HRH1: variants seen among roughly 807,000 people sequenced by gnomAD.
HRH1 encodes the protein histamine H1 receptor.
In HRH1, 6 loss-of-function variants were observed where a neutral mutation model predicts 10.3. That is an observed-to-expected ratio of 0.58 (90% CI 0.32 to 1.15). The LOEUF (loss-of-function observed/expected upper bound fraction) is 1.15. Among genes scored for constraint, HRH1 ranks in the 50% most tolerant of loss-of-function variants. The pLI is 0.05. For synonymous variants in HRH1, 242 were observed against 236.7 expected (o/e 1.02, Z -0.21); for missense variants, 514 against 615.3 (o/e 0.84, Z 1.74).
In HRH1 at chr3:11,219,688, G is replaced by A. The variant is rs114882765; in HGVS notation, c.-35-39315G>A. Among the ~76,000 whole-genome samples the A allele has an allele frequency of 8.5e-3, 1,195 of 141,168 alleles. 13 individuals are homozygous for A. Among genetic ancestry groups the A allele is most frequent in the African/African-American group, 0.032 (1,137 of 35,932 alleles). The allele number at this position is 141,168 out of a possible 152,430, so 92.6% of individuals were successfully genotyped here. A position where few individuals can be genotyped will look rare whatever the true frequency, so the allele number is the denominator to read the frequency against. On this transcript the variant is annotated intron_variant, in intron 1 of 1. Transcript: ENST00000431010. ...AGTTTATGCCACTGCACTCCAGCTC[G>A]GGCAATAAGAGTTGAGACTTCATCT...
intron 1 of HRH1, among the ~76,000 whole-genome samples, chr3:11,253,863 A>G (rs1443668736): frequency 6.6e-6 from 1 of 152,078 alleles, no homozygotes; most frequent in Non-Finnish European, 1.5e-5. Context: ...GGGTCCTAAA[A>G]CTGATCGATC....
At chr3:11,180,460 T>A (rs1183089313) in intron 1 of HRH1, among the ~76,000 whole-genome samples, 1 of 152,170 alleles carries the variant, frequency 6.6e-6, no homozygotes, top group Non-Finnish European at 1.5e-5. Context: ...CCTATGGGAA[T>A]CTAATGCCAC....
At chr3:11,192,894 C>T (rs935731630) in intron 1 of HRH1, among the ~76,000 whole-genome samples, 1 of 152,094 alleles carries the variant, frequency 6.6e-6, no homozygotes, top group Non-Finnish European at 1.5e-5. Context: ...GTTCATCTCT[C>T]CCAGGGCTAT....
chr3:11,234,958 G>A (rs1041225608), intron 1 of HRH1, among the ~76,000 whole-genome samples: 9 of 152,132 alleles, frequency 5.9e-5, no homozygotes, highest in Non-Finnish European at 1.3e-4. Context: ...GCTCACGCCT[G>A]TAATCCCAGC....
intron 1 of HRH1, among the ~76,000 whole-genome samples, chr3:11,202,835 G>A (rs35282657): frequency 0.25 from 37,775 of 152,014 alleles, 4,892 homozygotes; most frequent in South Asian, 0.39. Flanking sequence ...TTGGACAAAT[G>A]GATAATATGT....
At chr3:11,186,944 A>G (rs529951406) in intron 1 of HRH1, among the ~76,000 whole-genome samples, 27 of 152,324 alleles carry the variant, frequency 1.8e-4, no homozygotes, top group Admixed American at 1.6e-3. Flanking sequence ...CCTGGAAAAT[A>G]TTAAGTTGGA....
intron 1 of HRH1, among the ~76,000 whole-genome samples, chr3:11,230,082 A>G (rs1184166919): frequency 6.6e-6 from 1 of 152,136 alleles, no homozygotes; most frequent in Non-Finnish European, 1.5e-5. Context: ...CAAAGGATGA[A>G]CAAAAGGAGT....
chr3:11,250,259 C>T (rs1246729353), intron 1 of HRH1, among the ~76,000 whole-genome samples: 11 of 142,236 alleles, frequency 7.7e-5, no homozygotes, highest in Non-Finnish European at 1.5e-4. Flanking sequence ...CGGGGTTTCA[C>T]CATATTAGCC....
At chr3:11,167,465 C>T (rs1170586357) in intron 1 of HRH1, among the ~76,000 whole-genome samples, 4 of 128,482 alleles carry the variant, frequency 3.1e-5, no homozygotes, top group African/African-American at 1.2e-4. Context: ...TCTCCAGGCC[C>T]GTGACATCTG....
At chr3:11,175,566 A>G (rs564863407) in intron 1 of HRH1, among the ~76,000 whole-genome samples, 11 of 152,344 alleles carry the variant, frequency 7.2e-5, no homozygotes, top group Admixed American at 2.6e-4. Context: ...CAGTAGTAAT[A>G]ATACTAATAT....
intron 1 of HRH1, among the ~76,000 whole-genome samples, chr3:11,177,196 A>G (rs1441779335): frequency 6.6e-6 from 1 of 152,038 alleles, no homozygotes; most frequent in Admixed American, 6.5e-5. Context: ...CTTGAGGCCC[A>G]GGAGTTCAAG....
intron 1 of HRH1, among the ~76,000 whole-genome samples, chr3:11,212,711 C>T (rs763871282): frequency 7.9e-5 from 12 of 152,212 alleles, no homozygotes; most frequent in Non-Finnish European, 1.5e-4. Flanking sequence ...CATTCATTCA[C>T]GTAATCCATC....
At chr3:11,243,821 C>T (rs1939409988) in intron 1 of HRH1, among the ~76,000 whole-genome samples, 1 of 152,224 alleles carries the variant, frequency 6.6e-6, no homozygotes, top group South Asian at 2.1e-4. Flanking sequence ...GCAGTTCTTC[C>T]CTCTGCTGTC....
chr3:11,199,541 G>T (rs1040235918), intron 1 of HRH1, among the ~76,000 whole-genome samples: 1 of 152,106 alleles, frequency 6.6e-6, no homozygotes, highest in Non-Finnish European at 1.5e-5. Context: ...TGCCTCCCCA[G>T]TGCTCTCACA....
intron 1 of HRH1, among the ~76,000 whole-genome samples, chr3:11,217,005 G>A (rs1158006273): frequency 3.9e-5 from 6 of 151,984 alleles, no homozygotes; most frequent in Non-Finnish European, 1.5e-5. Context: ...GCAACACGGT[G>A]AAACTCCATC....
intron 1 of HRH1, among the ~76,000 whole-genome samples, chr3:11,207,568 C>G (rs913890683): frequency 6.6e-6 from 1 of 151,800 alleles, no homozygotes; most frequent in African/African-American, 2.4e-5. Flanking sequence ...GACTCTGTCT[C>G]AAAAAAACAA....
rs573905699 is a variant in HRH1, at chr3:11,156,136, G to T, written c.-36+1582G>T. Among the ~76,000 whole-genome samples, 14 of 152,300 alleles carry T rather than the reference G, an allele frequency of 9.2e-5. No individual in the cohort carries two copies. In the South Asian group the frequency reaches 2.5e-3, roughly 27 times the overall value. On this transcript the variant is annotated intron_variant, in intron 1 of 1. Coordinates refer to ENST00000431010, the MANE Select transcript of HRH1 (RefSeq NM_001098212.2). ...AGGTCCACTGCTCACAGGAATCCTGGACAACCCCATGTAAATCCTCGAGTG... is the reference window on the plus strand; with the variant it reads ...AGGTCCACTGCTCACAGGAATCCTGTACAACCCCATGTAAATCCTCGAGTG...
At chr3:11,140,632 G>A (rs563828377) in intron 1 of HRH1, among the ~76,000 whole-genome samples, 1 of 152,124 alleles carries the variant, frequency 6.6e-6, no homozygotes, top group Non-Finnish European at 1.5e-5. Flanking sequence ...TCCCTCAGAG[G>A]AGCCCTGCCT....
chr3:11,251,939 G>A (rs975226205), intron 1 of HRH1, among the ~76,000 whole-genome samples: 1 of 152,234 alleles, frequency 6.6e-6, no homozygotes, highest in Non-Finnish European at 1.5e-5. Context: ...TTTTTGACAG[G>A]AAGCCTACGG....
Sources: allele counts gnomAD v4.1 joint callset (sites outside exome capture counted in the v4.1 genomes callset), GRCh38; gene constraint gnomAD v4.1.1; transcripts MANE v1.5; gene names NCBI Gene and HGNC (gene_info 2026-07-23, HGNC 2026-07-21).